LTBP1: variants seen among roughly 807,000 people sequenced by gnomAD.
LTBP1 encodes the protein latent-transforming growth factor beta-binding protein 1.
A neutral mutation model predicts 207.6 loss-of-function variants in LTBP1; 129 were observed. That is an observed-to-expected ratio of 0.62 (90% CI 0.54 to 0.72). LTBP1 has a LOEUF of 0.72. LTBP1 is among the 30% of genes least tolerant of loss of function. The pLI is 0.00. For missense variants in LTBP1, 2,281 were observed against 2,217.2 expected, an observed-to-expected ratio of 1.03 and a Z score of -0.58; for synonymous variants, 963 against 833.7, an observed-to-expected ratio of 1.16 and a Z score of -2.67.
Position 33,053,062 on chromosome 2 carries a change from G to T in LTBP1, c.863+31856G>T, listed in dbSNP as rs112801801. ...ATTTTTGCATTTTTAATCGAGACGG[G>T]GTTTCACTATGTTGGTCAGGCTCGT... On this transcript the variant is annotated intron_variant, in intron 3 of 33. Transcript: ENST00000404816. Among the ~76,000 whole-genome samples the T allele has an allele frequency of 7.0e-3, 1,063 of 152,156 alleles. 13 individuals carry two copies. The highest frequency in any genetic ancestry group is 0.023 in the African/African-American group (947 of 41,512).
intron 24 of LTBP1, among the ~76,000 whole-genome samples, chr2:33,341,892 G>T (rs192781474): frequency 6.6e-6 from 1 of 151,860 alleles, no homozygotes; most frequent in African/African-American, 2.4e-5. Context: ...ACATAAAAGT[G>T]CAATCTTCTT....
intron 5 of LTBP1, among the ~76,000 whole-genome samples, chr2:33,143,662 A>C (rs1034094069): frequency 3.9e-5 from 6 of 152,178 alleles, no homozygotes; most frequent in Non-Finnish European, 8.8e-5. Flanking sequence ...CCATACCTTT[A>C]GTACAGCTGT....
intron 4 of LTBP1, among the ~76,000 whole-genome samples, chr2:33,122,256 C>T (rs191169499): frequency 6.6e-6 from 1 of 152,328 alleles, no homozygotes; most frequent in African/African-American, 2.4e-5. Context: ...GACCTGCCAA[C>T]TCCCTTGAAA....
chr2:33,351,012 A>T (rs1000774363), intron 26 of LTBP1, among the ~76,000 whole-genome samples: 1 of 152,206 alleles, frequency 6.6e-6, no homozygotes, highest in African/African-American at 2.4e-5. Context: ...CCATACAGGT[A>T]TTCTCCACTT....
Position 33,309,457 on chromosome 2 carries a change from A to C in LTBP1, c.3505A>C (p.Lys1169Gln), listed in dbSNP as rs1480404879. The C allele has an allele frequency of 1.2e-6, 2 of 1,608,060 alleles. No individual in the cohort carries two copies. The highest frequency in any genetic ancestry group is 1.7e-6 in the Non-Finnish European group (2 of 1,178,142). ...AGATATCAATGAATGCTTGGAGGACAAGAGTGTTTGCCAGAGAGGAGACTG... is the reference window on the plus strand; with the variant it reads ...AGATATCAATGAATGCTTGGAGGACCAGAGTGTTTGCCAGAGAGGAGACTG... ...CEDINECLEDKSVCQRGDCIN... is the reference protein window; with the variant it reads ...CEDINECLEDQSVCQRGDCIN... The change falls in exon 23 of 34, where the codon AAG becomes CAG. Residue 1169 changes from lysine (K) to glutamine (Q), a missense_variant. Around this residue, in one of 3 missense-constraint regions of LTBP1, gnomAD observed 1,671 missense variants for 1,634.8 expected, o/e 1.02. Coordinates refer to ENST00000404816, the MANE Select transcript of LTBP1 (RefSeq NM_206943.4).
chr2:33,009,715 C>A (rs1687407104), intron 2 of LTBP1, among the ~76,000 whole-genome samples: 1 of 152,136 alleles, frequency 6.6e-6, no homozygotes, highest in African/African-American at 2.4e-5. Context: ...TTCGTTATGG[C>A]AGTCCTAGTA....
At chr2:32,998,306 A>G (rs1183261502) in intron 2 of LTBP1, among the ~76,000 whole-genome samples, 1 of 151,898 alleles carries the variant, frequency 6.6e-6, no homozygotes, top group Non-Finnish European at 1.5e-5. Flanking sequence ...TCATGAGGTC[A>G]GGAGATCGAG....
intron 15 of LTBP1, among the ~76,000 whole-genome samples, chr2:33,264,500 A>G (rs1245639257): frequency 6.6e-6 from 1 of 152,184 alleles, no homozygotes; most frequent in Admixed American, 6.5e-5. Context: ...CAAAATTCTA[A>G]ATGTCCATAT....
chr2:33,071,265 C>T (rs1338245347), intron 3 of LTBP1, among the ~76,000 whole-genome samples: 1 of 152,222 alleles, frequency 6.6e-6, no homozygotes, highest in Admixed American at 6.5e-5. Flanking sequence ...ACCTCACTAC[C>T]TGGGCCTCTC....
chr2:33,275,854 A>T lies in LTBP1; in HGVS notation c.2923A>T (p.Thr975Ser). Residue 975 changes from threonine to serine, a missense_variant, in exon 18 of 34, where the codon ACT (threonine) becomes TCT (serine). This residue lies in a region of LTBP1 where 1,671 missense variants were observed against 1,634.8 expected (regional missense o/e 1.02). Coordinates refer to ENST00000404816, the MANE Select transcript of LTBP1 (RefSeq NM_206943.4). ...CTGTGGGGAGGGGCACTGTGTCAAT[A>T]CTGTGGGGGCCTTCCGGTGTGAATA... ...DVCGEGHCVN[T>S]VGAFRCEYCD... The T allele has an allele frequency of 1.2e-6, 2 of 1,613,376 alleles. No individual in the cohort carries two copies. The highest frequency in any genetic ancestry group is 3.3e-5 in the Admixed American group (2 of 59,938).
At chr2:32,980,630 A>G (rs1016045389) in intron 2 of LTBP1, among the ~76,000 whole-genome samples, 5 of 152,176 alleles carry the variant, frequency 3.3e-5, no homozygotes, top group African/African-American at 1.2e-4. Context: ...ACATACCACA[A>G]TTACAGTGTT....
At chr2:33,051,439 A>G (rs1273352890) in intron 3 of LTBP1, among the ~76,000 whole-genome samples, 1 of 152,084 alleles carries the variant, frequency 6.6e-6, no homozygotes, top group Non-Finnish European at 1.5e-5. Flanking sequence ...AAAAACACAC[A>G]CACACACAAA....
intron 2 of LTBP1, among the ~76,000 whole-genome samples, chr2:32,970,876 T>C (rs1314285525): frequency 6.6e-6 from 1 of 152,154 alleles, no homozygotes; most frequent in Non-Finnish European, 1.5e-5. Flanking sequence ...TATTGATTCT[T>C]CCTGTCCATG....
chr2:32,950,554 CAAAAAAAAAA>C (rs61179206), intron 2 of LTBP1, among the ~76,000 whole-genome samples: 1 of 114,914 alleles, frequency 8.7e-6, no homozygotes, highest in Admixed American at 8.9e-5. Context: ...GACTCTGTCT[CAAAAAAAAAA>C]AAAAAAAAAA....
intron 2 of LTBP1, among the ~76,000 whole-genome samples, chr2:32,973,021 G>A (rs1046620234): frequency 6.6e-6 from 1 of 152,036 alleles, no homozygotes; most frequent in Non-Finnish European, 1.5e-5. Flanking sequence ...TATTATTTTG[G>A]TTTTTTTGAA....
chr2:32,947,547 G>A lies in LTBP1; in HGVS notation c.223G>A (p.Ala75Thr). The A allele has an allele frequency of 4.3e-6, 6 of 1,379,416 alleles. No individual in the cohort carries two copies. The highest frequency in any genetic ancestry group is 5.6e-6 in the Non-Finnish European group (6 of 1,068,666). The allele number at this position is 1,379,416 out of a possible 1,614,324, so 85.4% of individuals were successfully genotyped here. A position where few individuals can be genotyped will look rare whatever the true frequency, so the allele number is the denominator to read the frequency against. ...GGCGGCTGCCGGCGCCCCCAGCCGT[G>A]CCTCCCCCGGGGTCCCCTCGGAGAG... ...SSAAAGAPSR[A>T]SPGVPSERTR... The change falls in exon 1 of 34, where the codon GCC (alanine) becomes ACC (threonine). Residue 75 changes from alanine (A) to threonine (T), a missense_variant. Ala to Thr is a moderately conservative substitution (Grantham distance 58, BLOSUM62 0). Coordinates refer to ENST00000404816, the MANE Select transcript of LTBP1 (RefSeq NM_206943.4).
chr2:33,190,408 T>C (rs1048206117), intron 7 of LTBP1, among the ~76,000 whole-genome samples: 6 of 152,232 alleles, frequency 3.9e-5, no homozygotes, highest in African/African-American at 9.6e-5. Context: ...TTTAGAAACC[T>C]GGGAAACACT....
intron 23 of LTBP1, among the ~76,000 whole-genome samples, chr2:33,311,197 CG>C (rs916497394): frequency 6.6e-6 from 1 of 152,052 alleles, no homozygotes; most frequent in Non-Finnish European, 1.5e-5. Context: ...ATGAAAAACA[CG>C]GACCTTTGCC....
At chr2:33,369,888 C>T (rs922548067) in intron 31 of LTBP1, among the ~76,000 whole-genome samples, 2 of 152,200 alleles carry the variant, frequency 1.3e-5, no homozygotes, top group South Asian at 2.1e-4. Flanking sequence ...ATCATGTAGT[C>T]ACATTTACAC....
Sources: gnomAD v4.1 joint callset for allele counts (sites outside exome capture counted in the v4.1 genomes callset) on GRCh38, gnomAD v4.1.1 for gene constraint, gnomAD v4.1.1 regional missense constraint, MANE v1.5 for transcripts, NCBI Gene and HGNC (gene_info 2026-07-23, HGNC 2026-07-21) for gene names.